Variants in CDYL observed in about 807,000 individuals in gnomAD.
The protein encoded by CDYL is chromodomain Y-like protein.
In CDYL, 8 loss-of-function variants were observed where a neutral mutation model predicts 47.3. The observed-to-expected ratio is 0.17, with a 90% CI of 0.10 to 0.31. CDYL has a LOEUF of 0.31. CDYL is among the 10% of genes least tolerant of loss of function. CDYL has a pLI of 1.00. For missense variants in CDYL, 471 were observed against 701.4 expected, an observed-to-expected ratio of 0.67 and a Z score of 3.71; for synonymous variants, 266 against 265.0, an observed-to-expected ratio of 1.00 and a Z score of -0.04.
intron 1 of CDYL, among the ~76,000 whole-genome samples, chr6:4,883,560 G>C (rs537015834): frequency 2.1e-4 from 32 of 152,328 alleles, no homozygotes; most frequent in African/African-American, 7.5e-4. Flanking sequence ...CACCTGACTG[G>C]TGGAGCAGGC....
At chr6:4,772,746 T>C (rs1330391218), upstream of CDYL, among the ~76,000 whole-genome samples, 1 of 152,178 alleles carries the variant, frequency 6.6e-6, no homozygotes, top group Non-Finnish European at 1.5e-5. Context: ...TTTTGGGTTA[T>C]GGAGGAGGTA....
chr6:4,892,584 G>A (rs1329053986), intron 2 of CDYL, among the ~76,000 whole-genome samples: 1 of 152,106 alleles, frequency 6.6e-6, no homozygotes, highest in Non-Finnish European at 1.5e-5. Flanking sequence ...TGTGTAATTC[G>A]CCATCCACAG....
rs139568073 is a variant in CDYL, at chr6:4,936,830, C to T, written c.949-735C>T. Among the ~76,000 whole-genome samples the T allele has an allele frequency of 3.0e-3, 461 of 151,364 alleles. 6 individuals carry two copies. The highest frequency in any genetic ancestry group is 0.011 in the African/African-American group (435 of 40,912). On this transcript the variant is annotated intron_variant, in intron 3 of 6. Transcript: ENST00000397588. ...TAAGCAACTTGCCTTATCTAAGAGC[C>T]GCAATTTGCCTTATCTAAGAGCCGC...
rs1396405369 is a variant in CDYL, at chr6:4,955,069, C to T, written c.*1013C>T. 6.6e-6 allele frequency: 1 copy of T among 152,462 alleles called. No homozygotes were observed. Among genetic ancestry groups the T allele is most frequent in the Non-Finnish European group, 1.5e-5 (1 of 67,974 alleles). 9.4% of individuals were successfully genotyped at this position (152,462 alleles called of 1,614,324 possible). A position where few individuals can be genotyped will look rare whatever the true frequency, so the allele number is the denominator to read the frequency against. On this transcript the variant is annotated 3_prime_UTR_variant, in exon 7 of 7. Transcript: ENST00000397588. ...GGCACACTATTAAATGCAAAAACTC[C>T]TTTCAAAACAAAAAAGAACTACCTT...
intron 1 of CDYL, among the ~76,000 whole-genome samples, chr6:4,806,655 C>CA (rs1759379160): frequency 7.1e-6 from 1 of 140,582 alleles, no homozygotes; most frequent in Admixed American, 6.8e-5. Flanking sequence ...CCCAGCATTG[C>CA]ATTCAGATCC....
intron 3 of CDYL, among the ~76,000 whole-genome samples, chr6:4,767,672 A>ATG (rs1758276828): frequency 6.6e-6 from 1 of 152,014 alleles, no homozygotes; most frequent in Non-Finnish European, 1.5e-5. Context: ...AGGCCTACAA[A>ATG]ATTCCTTCAG....
rs1757482385 is a variant in CDYL, at chr6:4,913,911, T to C, written c.691+21532T>C. Among the ~76,000 whole-genome samples, 4 of 152,378 alleles carry C rather than the reference T, an allele frequency of 2.6e-5. 2 individuals are homozygous for C. The South Asian group carries it at 8.3e-4, about 32-fold the overall frequency. On this transcript the variant is annotated intron_variant, in intron 2 of 6. Coordinates refer to ENST00000397588, the MANE Select transcript of CDYL (RefSeq NM_004824.4). ...TTGGCGGAGCCCGGGTCTAGCCTGT[T>C]GGCCACCCAAGTTCTTACCTGTCTC...
chr6:4,837,607 G>C (rs1760359950), intron 1 of CDYL, among the ~76,000 whole-genome samples: 1 of 151,646 alleles, frequency 6.6e-6, no homozygotes, highest in Non-Finnish European at 1.5e-5. Flanking sequence ...TGGGATTACA[G>C]GCGAGTGTTA....
chr6:4,811,780 T>C, intron 1 of CDYL, among the ~76,000 whole-genome samples: 1 of 152,042 alleles, frequency 6.6e-6, no homozygotes, highest in Non-Finnish European at 1.5e-5. Flanking sequence ...CTCTCTCTTC[T>C]TTAACAAATA....
chr6:4,735,723 T>C (rs1372941794), intron 3 of CDYL, among the ~76,000 whole-genome samples: 1 of 151,822 alleles, frequency 6.6e-6, no homozygotes, highest in African/African-American at 2.4e-5. Flanking sequence ...CTGAGATCGC[T>C]CCACTGCACT....
chr6:4,929,989 GT>G (rs1214482332), intron 2 of CDYL, among the ~76,000 whole-genome samples: 5 of 152,046 alleles, frequency 3.3e-5, no homozygotes, highest in Non-Finnish European at 4.4e-5. Flanking sequence ...ATTGTTAGTT[GT>G]ATATCAGTTT....
At chr6:4,775,911 G>A (rs906339512), upstream of CDYL, among the ~76,000 whole-genome samples, 39 of 150,386 alleles carry the variant, frequency 2.6e-4, no homozygotes, top group East Asian at 1.8e-3. This position sits in a 1 kb window ranked among gnomAD's most constrained non-coding sequence, Gnocchi z 7.0. Context: ...CGGCGCGGCC[G>A]CTGCCGTCGG....
At chr6:4,836,312 A>G (rs920116871) in intron 1 of CDYL, 121 of 962,318 alleles carry the variant, frequency 1.3e-4, no homozygotes, top group Non-Finnish European at 1.5e-4. Context: ...CCAAAAAGTG[A>G]GTTTTAATTA....
At chr6:4,871,783 T>C (rs1385930416) in intron 1 of CDYL, among the ~76,000 whole-genome samples, 8 of 152,218 alleles carry the variant, frequency 5.3e-5, no homozygotes, top group Non-Finnish European at 8.8e-5. Flanking sequence ...CAAAAACTGC[T>C]AAGTACCCCT....
chr6:4,834,975 C>G lies in CDYL; in HGVS notation c.25-56738C>G, dbSNP rs148302364. Among the ~76,000 whole-genome samples the G allele has an allele frequency of 4.1e-3, 621 of 152,258 alleles. 1 individual carries two copies. Among genetic ancestry groups the G allele is most frequent in the African/African-American group, 0.014 (580 of 41,538 alleles). On this transcript the variant is annotated intron_variant, in intron 1 of 6. Transcript: ENST00000397588. ...TTGGTTATTCTAGTTATACATTCGT[C>G]TAAATTTTTTTTGAAGTTTTTAACT...
chr6:4,874,227 G>A (rs1761555365), intron 1 of CDYL, among the ~76,000 whole-genome samples: 1 of 151,942 alleles, frequency 6.6e-6, no homozygotes, highest in Non-Finnish European at 1.5e-5. Context: ...GAATTTGGTG[G>A]GTATTCTTTG....
At chr6:4,731,398 A>G (rs1035500792) in intron 2 of CDYL, among the ~76,000 whole-genome samples, 2 of 152,206 alleles carry the variant, frequency 1.3e-5, no homozygotes, top group Non-Finnish European at 2.9e-5. Context: ...AGGGGCTATC[A>G]TGATCTAATT....
At chr6:4,926,422 T>C (rs73348393) in intron 2 of CDYL, among the ~76,000 whole-genome samples, 1 of 152,212 alleles carries the variant, frequency 6.6e-6, no homozygotes, top group Admixed American at 6.5e-5. Context: ...ACAACAGTGG[T>C]CATTAATATC....
At chr6:4,717,783 T>C (rs1334040028) in intron 2 of CDYL, among the ~76,000 whole-genome samples, 2 of 151,110 alleles carry the variant, frequency 1.3e-5, no homozygotes, top group African/African-American at 4.9e-5. Context: ...TAGGTTTTTT[T>C]GGTTTTTGTT....
Sources: gnomAD v4.1 joint callset for allele counts (sites outside exome capture counted in the v4.1 genomes callset) on GRCh38, gnomAD v4.1.1 for gene constraint, Gnocchi (gnomAD v3.1) non-coding constraint, MANE v1.5 for transcripts, NCBI Gene and HGNC (gene_info 2026-07-23, HGNC 2026-07-21) for gene names.